Variants in KCNC1 observed in about 807,000 individuals in gnomAD.
KCNC1 encodes voltage-gated potassium channel KCNC1.
KCNC1 carries 8 observed loss-of-function variants against 43.4 expected under a neutral mutation model. The observed-to-expected ratio is 0.18, with a 90% confidence interval of 0.11 to 0.33. KCNC1 has a LOEUF of 0.33. KCNC1 is among the 10% of genes least tolerant of loss of function. KCNC1 has a pLI of 1.00. For missense variants in KCNC1, 420 were observed against 836.0 expected (o/e 0.50, Z 6.14); for synonymous variants, 361 against 360.5 (o/e 1.00, Z -0.01).
chr11:17,772,212 C>T lies in KCNC1; in HGVS notation c.1118C>T (p.Pro373Leu). The change falls in exon 2 of 4, where the codon CCC (proline) becomes CTC (leucine). Residue 373 changes from proline to leucine, a missense_variant. By Grantham distance (98) the Pro-to-Leu change is moderately conservative (BLOSUM62 -3). This residue lies in a region of KCNC1 where 58 missense variants were observed against 256.9 expected (regional missense o/e 0.23). Transcript: ENST00000265969. ...IYYAERIGAQPNDPSASEHTH... is the reference protein window; with the variant it reads ...IYYAERIGAQLNDPSASEHTH... ...TACGCCGAGAGGATAGGGGCACAGCCCAATGACCCCAGCGCCAGTGAGCAC... is the reference window on the plus strand; with the variant it reads ...TACGCCGAGAGGATAGGGGCACAGCTCAATGACCCCAGCGCCAGTGAGCAC... The T allele has an allele frequency of 1.2e-6, 2 of 1,614,076 alleles. No individual in the cohort carries two copies. The highest frequency in any genetic ancestry group is 1.7e-6 in the Non-Finnish European group (2 of 1,180,036).
chr11:17,752,900 C>CTT (rs1338571652), intron 1 of KCNC1, among the ~76,000 whole-genome samples: 1 of 152,142 alleles, frequency 6.6e-6, no homozygotes, highest in East Asian at 1.9e-4. Flanking sequence ...TACTGTGTGC[C>CTT]CAGTTCTGCA....
In KCNC1 at chr11:17,781,896, C is replaced by T. The variant is rs1590111028; in HGVS notation, c.*162C>T. The T allele has an allele frequency of 6.8e-6, 3 of 439,304 alleles. No homozygotes were observed. In the East Asian group the frequency reaches 1.1e-4, roughly 17 times the overall value. The allele number at this position is 439,304 out of a possible 1,614,324, so 27.2% of individuals were successfully genotyped here. ...GGACGGACGTAGCTTTTTCTACGGC[C>T]AAATGGTAACTGACCGTAGAGGATT... On this transcript the variant is annotated 3_prime_UTR_variant, in exon 4 of 4. Transcript: ENST00000265969. This position sits in a 1 kb window ranked among gnomAD's most constrained non-coding sequence, Gnocchi z 5.1.
In KCNC1 at chr11:17,776,858, C is replaced by T. The variant is rs1849294029; in HGVS notation, c.1505-2598C>T. Reference sequence around the variant, plus strand: ...CCTCTGGAGTTGGGGAGGGAGAATGCCCCAGTTTCTGAAAGCATCTTAAAC... The same window carrying T: ...CCTCTGGAGTTGGGGAGGGAGAATGTCCCAGTTTCTGAAAGCATCTTAAAC... On this transcript the variant is annotated intron_variant, in intron 2 of 3. Transcript: ENST00000265969. This position sits in a 1 kb window ranked among gnomAD's most constrained non-coding sequence, Gnocchi z 4.4. The T allele has an allele frequency of 1.0e-6, 1 of 985,512 alleles. No homozygotes were observed. The highest frequency in any genetic ancestry group is 4.7e-5 in the South Asian group (1 of 21,280). 61.0% of individuals were successfully genotyped at this position (985,512 alleles called of 1,614,324 possible). A position where few individuals can be genotyped will look rare whatever the true frequency, so the allele number is the denominator to read the frequency against.
chr11:17,744,469 G>A (rs1277223947), intron 1 of KCNC1, among the ~76,000 whole-genome samples: 1 of 152,206 alleles, frequency 6.6e-6, no homozygotes, highest in Non-Finnish European at 1.5e-5. Context: ...CATAGTGATC[G>A]CACCCCTGCC....
In KCNC1 at chr11:17,779,903, C is replaced by T; in HGVS notation, c.1693+259C>T. On this transcript the variant is annotated intron_variant, in intron 3 of 3. Coordinates refer to ENST00000265969, the MANE Select transcript of KCNC1 (RefSeq NM_001112741.2). The surrounding 1 kb of genome is among the most constrained non-coding windows in gnomAD (Gnocchi z 7.2). ...GTTGAGAGGGGATTGGACAGGTTGA[C>T]TTTAGGCCATGACCCCAAGGCAGGG... 1 of 331,992 alleles carries T rather than the reference C, an allele frequency of 3.0e-6. No individual in the cohort carries two copies. Among genetic ancestry groups the T allele is most frequent in the Non-Finnish European group, 5.5e-6 (1 of 182,292 alleles). The allele number at this position is 331,992 out of a possible 1,614,324, so 20.6% of individuals were successfully genotyped here. A position where few individuals can be genotyped will look rare whatever the true frequency, so the allele number is the denominator to read the frequency against.
chr11:17,736,695 C>T lies in KCNC1; in HGVS notation c.570+123C>T. On this transcript the variant is annotated intron_variant, in intron 1 of 3. Coordinates refer to ENST00000265969, the MANE Select transcript of KCNC1 (RefSeq NM_001112741.2). This position sits in a 1 kb window ranked among gnomAD's most constrained non-coding sequence, Gnocchi z 9.3. The stretch of plus-strand genomic sequence containing the variant: ...GTTCAGAATCGAAAGGGGGTGTGTG[C>T]GCATGTGTGCACGTACCAGGGTAAG... 1 of 1,409,456 alleles carries T rather than the reference C, an allele frequency of 7.1e-7. No homozygotes were observed. The highest frequency in any genetic ancestry group is 1.5e-5 in the South Asian group (1 of 66,454). The allele number at this position is 1,409,456 out of a possible 1,614,324, so 87.3% of individuals were successfully genotyped here. A position where few individuals can be genotyped will look rare whatever the true frequency, so the allele number is the denominator to read the frequency against.
rs1217599598 is a variant in KCNC1 at position 17,763,959 on chromosome 11, AG to A, written c.571-7705del. On this transcript the variant is annotated intron_variant, in intron 1 of 3. Transcript: ENST00000265969. ...CCCACACACACACACACCCACACACAGCAGCCCACACATGCACATATACACA... is the reference window on the plus strand; with the variant it reads ...CCCACACACACACACACCCACACACACAGCCCACACATGCACATATACACA... 4.0e-4 allele frequency among the ~76,000 whole-genome samples: 49 copies of A among 123,958 alleles called. 1 individual carries two copies. Among genetic ancestry groups the A allele is most frequent in the African/African-American group, 1.5e-3 (48 of 31,886 alleles). The allele number at this position is 123,958 out of a possible 152,430, so 81.3% of individuals were successfully genotyped here. A position where few individuals can be genotyped will look rare whatever the true frequency, so the allele number is the denominator to read the frequency against.
At position 17,779,340 on chromosome 11, in the gene KCNC1, C is replaced by T. The variant is rs1008707471; in HGVS notation, c.1505-116C>T. On this transcript the variant is annotated intron_variant, in intron 2 of 3. Coordinates refer to ENST00000265969, the MANE Select transcript of KCNC1 (RefSeq NM_001112741.2). This position sits in a 1 kb window ranked among gnomAD's most constrained non-coding sequence, Gnocchi z 7.2. ...TCGCTCCACAGCCTGCCCGCTTTTCCGTCCTCAGGGACGCTCAAGCTGCCC... is the reference window on the plus strand; with the variant it reads ...TCGCTCCACAGCCTGCCCGCTTTTCTGTCCTCAGGGACGCTCAAGCTGCCC... 33 of 850,064 alleles carry T rather than the reference C, an allele frequency of 3.9e-5. No homozygotes were observed. The highest frequency in any genetic ancestry group is 2.4e-4 in the African/African-American group (14 of 57,524). 52.7% of individuals were successfully genotyped at this position (850,064 alleles called of 1,614,324 possible). A position where few individuals can be genotyped will look rare whatever the true frequency, so the allele number is the denominator to read the frequency against.
At chr11:17,772,902 G>A in intron 2 of KCNC1, 3 of 1,239,464 alleles carry the variant, frequency 2.4e-6, no homozygotes, top group Non-Finnish European at 3.0e-6. Context: ...GCAGGAGCCA[G>A]GGGGGCTCTG....
rs774087624 is a variant in KCNC1 at position 17,771,776 on chromosome 11, C to T, written c.682C>T (p.Arg228Cys). Reference protein sequence around the residue: ...IVNKTEIENVRNGTQVRYYRE... With the variant: ...IVNKTEIENVCNGTQVRYYRE... ...GAACAAGACGGAGATCGAGAACGTT[C>T]GCAATGGCACGCAAGTGCGCTACTA... Residue 228 changes from arginine to cysteine, a missense_variant, in exon 2 of 4, where the codon CGC becomes TGC. Arg to Cys is a radical substitution (Grantham distance 180). Coordinates refer to ENST00000265969, the MANE Select transcript of KCNC1 (RefSeq NM_001112741.2). The surrounding 1 kb of genome is among the most constrained non-coding windows in gnomAD (Gnocchi z 4.7). The T allele has an allele frequency of 4.3e-6, 7 of 1,614,234 alleles. No individual in the cohort carries two copies. Among genetic ancestry groups the T allele is most frequent in the South Asian group, 1.1e-5 (1 of 91,084 alleles).
In KCNC1 at chr11:17,782,309, C is replaced by T. The variant is rs1162986150; in HGVS notation, c.*575C>T. The T allele has an allele frequency of 6.6e-6, 1 of 152,214 alleles. No individual in the cohort carries two copies. The highest frequency in any genetic ancestry group is 2.4e-5 in the African/African-American group (1 of 41,428). The allele number at this position is 152,214 out of a possible 1,614,324, so 9.4% of individuals were successfully genotyped here. ...TCAGTCATCGGTCATATTGACCTCA[C>T]CTTCATAGTTCATCTCTCACGTGGA... On this transcript the variant is annotated 3_prime_UTR_variant, in exon 4 of 4. Coordinates refer to ENST00000265969, the MANE Select transcript of KCNC1 (RefSeq NM_001112741.2).
chr11:17,762,965 C>A (rs750417996), intron 1 of KCNC1, among the ~76,000 whole-genome samples: 1 of 152,158 alleles, frequency 6.6e-6, no homozygotes, highest in Admixed American at 6.5e-5. Context: ...AATACCATTC[C>A]GGGATGTGTG....
chr11:17,781,559 T>C lies in KCNC1; in HGVS notation c.1694-111T>C. 1 of 757,652 alleles carries C rather than the reference T, an allele frequency of 1.3e-6. No homozygotes were observed. The highest frequency in any genetic ancestry group is 2.2e-6 in the Non-Finnish European group (1 of 447,768). The allele number at this position is 757,652 out of a possible 1,614,324, so 46.9% of individuals were successfully genotyped here. A position where few individuals can be genotyped will look rare whatever the true frequency, so the allele number is the denominator to read the frequency against. On this transcript the variant is annotated intron_variant, in intron 3 of 3. Transcript: ENST00000265969. The surrounding 1 kb of genome is among the most constrained non-coding windows in gnomAD (Gnocchi z 5.1). ...CCAGCTGGAGAAGAATCTGCCTGCC[T>C]CTGCATGCGGCTGTTCTGTCTTTCC... is the stretch of plus-strand genomic sequence containing the variant.
chr11:17,770,433 T>C (rs545948880), intron 1 of KCNC1, among the ~76,000 whole-genome samples: 1 of 152,228 alleles, frequency 6.6e-6, no homozygotes, highest in Admixed American at 6.5e-5. Context: ...CAGGGGCCCA[T>C]CCACCCAGGG....
intron 1 of KCNC1, among the ~76,000 whole-genome samples, chr11:17,746,510 C>A (rs925093143): frequency 6.6e-6 from 1 of 152,130 alleles, no homozygotes; most frequent in Admixed American, 6.5e-5. Flanking sequence ...CCTACCTCTC[C>A]TTCCCCATCT....
chr11:17,766,856 G>C (rs1186519927), intron 1 of KCNC1, among the ~76,000 whole-genome samples: 1 of 151,748 alleles, frequency 6.6e-6, no homozygotes, highest in South Asian at 2.1e-4. Context: ...CAAGAGCTTA[G>C]GTTCTAGAGC....
At chr11:17,763,214 G>A (rs1849098137) in intron 1 of KCNC1, among the ~76,000 whole-genome samples, 1 of 151,998 alleles carries the variant, frequency 6.6e-6, no homozygotes, top group Non-Finnish European at 1.5e-5. Flanking sequence ...ATTGAATCCT[G>A]GGATGGAAAG....
At chr11:17,744,025 G>A (rs938468577) in intron 1 of KCNC1, among the ~76,000 whole-genome samples, 3 of 152,142 alleles carry the variant, frequency 2.0e-5, no homozygotes, top group African/African-American at 7.2e-5. Flanking sequence ...CAGCCCCGGT[G>A]TGTGGAGAGA....
intron 1 of KCNC1, among the ~76,000 whole-genome samples, chr11:17,743,439 C>T (rs1039983143): frequency 1.3e-5 from 2 of 152,224 alleles, no homozygotes; most frequent in African/African-American, 4.8e-5. Flanking sequence ...AAGTTCTGGC[C>T]CCTGGGTAAT....
Sources: gnomAD v4.1 joint callset for allele counts (sites outside exome capture counted in the v4.1 genomes callset) on GRCh38, gnomAD v4.1.1 for gene constraint, gnomAD v4.1.1 regional missense constraint, Gnocchi (gnomAD v3.1) non-coding constraint, MANE v1.5 for transcripts, NCBI Gene and HGNC (gene_info 2026-07-23, HGNC 2026-07-21) for gene names.